The following RBFOX1 variants were observed in gnomAD, a reference collection of about 807,000 sequenced individuals.
The protein encoded by RBFOX1 is RNA binding fox-1 homolog 1.
A neutral mutation model predicts 57.7 loss-of-function variants in RBFOX1; 8 were observed. The ratio of observed to expected loss-of-function variants is 0.14; its 90% CI spans 0.08 to 0.25. The LOEUF (loss-of-function observed/expected upper bound fraction) is 0.25, where lower values mean the gene tolerates loss of function less well. Ranked by LOEUF, RBFOX1 falls within the 10% of genes least tolerant of loss-of-function variation. RBFOX1 has a pLI of 1.00. For synonymous variants in RBFOX1, 326 were observed against 222.4 expected (o/e 1.47, Z -4.15); for missense variants, 611 against 548.5 (o/e 1.11, Z -1.14).
chr16:6,512,121 A>C (rs1351510392), intron 2 of RBFOX1, among the ~76,000 whole-genome samples: 1 of 132,606 alleles, frequency 7.5e-6, no homozygotes, highest in Admixed American at 7.1e-5. Context: ...AATAAAATGA[A>C]AAAAAAAAAG....
chr16:5,640,098 G>T lies in RBFOX1; in HGVS notation c.318+41137G>T, dbSNP rs74946384. On this transcript the variant is annotated intron_variant, in intron 3 of 19. Coordinates refer to the RBFOX1 transcript ENST00000641259. ...TCAGGGAAATAAGAAAAAGGTAAAA[G>T]AACCTTCTGTAGCAGCTGAGGGGTA... Among the ~76,000 whole-genome samples the T allele has an allele frequency of 5.6e-3, 853 of 152,236 alleles. 7 individuals carry two copies. The highest frequency in any genetic ancestry group is 0.02 in the African/African-American group (811 of 41,546).
At chr16:6,477,346 A>C (rs2153088947) in intron 2 of RBFOX1, among the ~76,000 whole-genome samples, 1 of 152,328 alleles carries the variant, frequency 6.6e-6, no homozygotes. Context: ...AATCAAAATT[A>C]TTCCTTGATC....
intron 4 of RBFOX1, among the ~76,000 whole-genome samples, chr16:5,984,913 A>AT (rs2152313663): frequency 6.7e-6 from 1 of 148,412 alleles, no homozygotes; most frequent in African/African-American, 2.5e-5. Context: ...AAAAGACAGA[A>AT]TAAAAATGGT....
intron 4 of RBFOX1, among the ~76,000 whole-genome samples, chr16:7,228,935 G>C (rs562200479): frequency 6.6e-6 from 1 of 152,124 alleles, no homozygotes; most frequent in Admixed American, 6.5e-5. Flanking sequence ...GGGGTAGAGA[G>C]TATAATAATA....
chr16:5,712,355 T>A (rs997663028), intron 3 of RBFOX1, among the ~76,000 whole-genome samples: 1 of 152,228 alleles, frequency 6.6e-6, no homozygotes, highest in East Asian at 1.9e-4. Flanking sequence ...ATATTTATTA[T>A]GTAGACAAGT....
rs1490050806 is a variant in RBFOX1 at position 5,369,409 on chromosome 16, C to G, written c.220-97807C>G. 4.6e-5 allele frequency among the ~76,000 whole-genome samples: 7 copies of G among 152,362 alleles called. No homozygotes were observed. In the East Asian group the frequency reaches 1.3e-3, roughly 29 times the overall value. ...TGGAATAGCCAGGGACCAGCACTGA[C>G]AGACATAGTCGTCTCCCAGTCACTG... is the stretch of plus-strand genomic sequence containing the variant. On this transcript the variant is annotated intron_variant, in intron 1 of 2. Transcript: ENST00000585867.
intron 1 of RBFOX1, among the ~76,000 whole-genome samples, chr16:6,241,169 C>A (rs2097538240): frequency 6.6e-6 from 1 of 152,178 alleles, no homozygotes; most frequent in Admixed American, 6.5e-5. Context: ...ACGCCCCTGC[C>A]AGAGATAAAA....
rs570784489 is a variant in RBFOX1 at position 7,007,175 on chromosome 16, T to A, written c.-15-44882T>A. On this transcript the variant is annotated intron_variant, in intron 3 of 15. Transcript: ENST00000550418. ...CAGGTTGCCAGCAAAATTTATTTCC[T>A]TGCAGCTGTAAAGCTGAAGTCTCCA... Among the ~76,000 whole-genome samples, 6 of 152,278 alleles carry A rather than the reference T, an allele frequency of 3.9e-5. No individual in the cohort carries two copies. The East Asian group carries it at 1.2e-3, about 29-fold the overall frequency.
chr16:6,399,320 C>G (rs949307702), intron 2 of RBFOX1, among the ~76,000 whole-genome samples: 1 of 152,230 alleles, frequency 6.6e-6, no homozygotes, highest in African/African-American at 2.4e-5. Flanking sequence ...TCCCCATTGT[C>G]TTGGTAATTG....
At chr16:7,082,767 A>G (rs1198185441) in intron 4 of RBFOX1, among the ~76,000 whole-genome samples, 2 of 151,928 alleles carry the variant, frequency 1.3e-5, no homozygotes, top group African/African-American at 4.9e-5. Context: ...TCTGTAGCAG[A>G]TCAGAAGCCA....
intron 11 of RBFOX1, among the ~76,000 whole-genome samples, chr16:7,647,057 G>A (rs149312694): frequency 4.0e-4 from 61 of 152,266 alleles, no homozygotes; most frequent in East Asian, 1.5e-3. Flanking sequence ...TTGATTTGCC[G>A]TGATACTTGA....
In RBFOX1 at chr16:7,605,630, TG is replaced by T. The variant is rs558018939; in HGVS notation, c.623-1652del. Among the ~76,000 whole-genome samples the T allele has an allele frequency of 2.8e-3, 424 of 152,336 alleles. 3 individuals carry two copies. Among genetic ancestry groups the T allele is most frequent in the African/African-American group, 9.8e-3 (406 of 41,568 alleles). On this transcript the variant is annotated intron_variant, in intron 9 of 15. Coordinates refer to ENST00000550418, the MANE Select transcript of RBFOX1 (RefSeq NM_018723.4). ...CCTTAGTGGATGTTAAGAACACCTC[TG>T]GGCTATTCTTAGTTCGGGCAGAAAA...
In RBFOX1 at chr16:6,640,922, C is replaced by T. The variant is rs2098482583; in HGVS notation, c.-63-13681C>T. ...AGCACCAGAAACCCCAGGTAGGCTTCGCAGATGAAAATAATGACTGTGGCA... is the reference window on the plus strand; with the variant it reads ...AGCACCAGAAACCCCAGGTAGGCTTTGCAGATGAAAATAATGACTGTGGCA... On this transcript the variant is annotated intron_variant, in intron 2 of 15. Coordinates refer to ENST00000550418, the MANE Select transcript of RBFOX1 (RefSeq NM_018723.4). Among the ~76,000 whole-genome samples the T allele has an allele frequency of 2.0e-5, 3 of 152,144 alleles. No individual in the cohort carries two copies. The South Asian group carries it at 6.2e-4, about 32-fold the overall frequency.
intron 2 of RBFOX1, among the ~76,000 whole-genome samples, chr16:6,431,835 G>C (rs895696444): frequency 4.0e-5 from 6 of 151,866 alleles, no homozygotes; most frequent in Admixed American, 3.9e-4. Context: ...CATTTACAGA[G>C]TTATTGTGAT....
chr16:6,259,487 G>A (rs983656741), intron 1 of RBFOX1, among the ~76,000 whole-genome samples: 14 of 152,016 alleles, frequency 9.2e-5, no homozygotes, highest in African/African-American at 3.1e-4. Context: ...GCAAGAACTA[G>A]GTAAAATATC....
chr16:6,859,125 A>ATATATATGTATATATATATG (rs2058454814), intron 3 of RBFOX1, among the ~76,000 whole-genome samples: 1 of 66,328 alleles, frequency 1.5e-5, no homozygotes, highest in African/African-American at 9.5e-5. Context: ...ATATATATAT[A>ATATATATGTATATATATATG]TATACATATA....
intron 3 of RBFOX1, among the ~76,000 whole-genome samples, chr16:5,769,113 A>T (rs563556045): frequency 1.3e-5 from 2 of 152,126 alleles, no homozygotes; most frequent in African/African-American, 2.4e-5. Flanking sequence ...GATATATAGG[A>T]TATGGAAGAG....
At chr16:5,318,006 A>G (rs978171749) in intron 1 of RBFOX1, among the ~76,000 whole-genome samples, 1 of 152,174 alleles carries the variant, frequency 6.6e-6, no homozygotes, top group Non-Finnish European at 1.5e-5. Flanking sequence ...GAGGCAGGGG[A>G]ATGCAGGTGC....
At chr16:5,668,300 A>ACT (rs34652072) in intron 3 of RBFOX1, among the ~76,000 whole-genome samples, 5 of 147,048 alleles carry the variant, frequency 3.4e-5, no homozygotes, top group Non-Finnish European at 7.7e-5. Context: ...AAAAACACCA[A>ACT]TTTAAAAAAA....
Sources: gnomAD v4.1 joint callset for allele counts (sites outside exome capture counted in the v4.1 genomes callset) on GRCh38, gnomAD v4.1.1 for gene constraint, MANE v1.5 for transcripts, NCBI Gene and HGNC (gene_info 2026-07-23, HGNC 2026-07-21) for gene names.